The following DTWD2 variants were observed in gnomAD, a reference collection of about 807,000 sequenced individuals.
DTWD2 encodes tRNA-uridine aminocarboxypropyltransferase 2.
DTWD2 carries 39 observed loss-of-function variants against 31.8 expected under a neutral mutation model. The ratio of observed to expected loss-of-function variants is 1.22; its 90% CI spans 0.95 to 1.60. The LOEUF is 1.60. DTWD2 is among the 40% of genes most tolerant of loss of function. The pLI is 0.00. For synonymous variants in DTWD2, 180 were observed against 142.8 expected, an observed-to-expected ratio of 1.26 and a Z score of -1.86; for missense variants, 515 against 381.5, an observed-to-expected ratio of 1.35 and a Z score of -2.92.
At chr5:118,952,359 A>G (rs567810436) in intron 1 of DTWD2, among the ~76,000 whole-genome samples, 2 of 152,308 alleles carry the variant, frequency 1.3e-5, no homozygotes, top group East Asian at 3.9e-4. Context: ...ACCTGGGTGC[A>G]GGCAGGCTGA....
intron 4 of DTWD2, among the ~76,000 whole-genome samples, chr5:118,876,416 AC>A (rs750969881): frequency 1.3e-5 from 2 of 152,132 alleles, no homozygotes; most frequent in African/African-American, 4.8e-5. Context: ...GACATGAAAA[AC>A]CATTCAAAAG....
chr5:118,891,839 G>C (rs1752983029), intron 4 of DTWD2, among the ~76,000 whole-genome samples: 2 of 152,234 alleles, frequency 1.3e-5, no homozygotes, highest in African/African-American at 4.8e-5. Context: ...ACTGAATTAA[G>C]AACAAACTGC....
intron 5 of DTWD2, among the ~76,000 whole-genome samples, chr5:118,844,611 C>T (rs1751804602): frequency 6.6e-6 from 1 of 151,594 alleles, no homozygotes; most frequent in Admixed American, 6.5e-5. Context: ...AACACAAGTA[C>T]AAAAAATTAT....
At position 118,873,071 on chromosome 5, in the gene DTWD2, G is replaced by T. The variant is rs191909519; in HGVS notation, c.598-24853C>A. On this transcript the variant is annotated intron_variant, in intron 4 of 5. Coordinates refer to ENST00000510708, the MANE Select transcript of DTWD2 (RefSeq NM_173666.4). Reference sequence around the variant, plus strand: ...AGCAGGTGAGGTGAAAAGGCAAGGAGCAATCTGCTCTCACTATGGGCCTCT... The same window carrying T: ...AGCAGGTGAGGTGAAAAGGCAAGGATCAATCTGCTCTCACTATGGGCCTCT... 7.2e-5 allele frequency among the ~76,000 whole-genome samples: 11 copies of T among 152,322 alleles called. No individual in the cohort carries two copies. In the East Asian group the frequency reaches 2.1e-3, roughly 29 times the overall value.
intron 4 of DTWD2, among the ~76,000 whole-genome samples, chr5:118,879,262 A>G (rs1207018449): frequency 6.6e-6 from 1 of 152,176 alleles, no homozygotes; most frequent in Non-Finnish European, 1.5e-5. Flanking sequence ...GATAGACTGA[A>G]TAAGGAAAAT....
chr5:118,844,666 C>T (rs1489554233), intron 5 of DTWD2, among the ~76,000 whole-genome samples: 2 of 152,144 alleles, frequency 1.3e-5, no homozygotes, highest in African/African-American at 4.8e-5. Context: ...AGTTGTAATT[C>T]AAAACTACTT....
chr5:118,944,644 G>C lies in DTWD2; in HGVS notation c.224C>G (p.Pro75Arg). The change falls in exon 2 of 6, where the codon CCT (proline) becomes CGT (arginine). Residue 75 changes from proline (P) to arginine (R), a missense_variant. By Grantham distance (103) the Pro-to-Arg change is moderately radical. Coordinates refer to ENST00000510708, the MANE Select transcript of DTWD2 (RefSeq NM_173666.4). The part of the protein sequence containing the change: ...RRPECTRCSR[P>R]QKVCLCPFLP... ...AAATGGACACAAACACACTTTCTGAGGCCGGCTAAAGGGTAAAAAGAAAAA... is the reference window on the plus strand; with the variant it reads ...AAATGGACACAAACACACTTTCTGACGCCGGCTAAAGGGTAAAAAGAAAAA... 6.2e-7 allele frequency: 1 copy of C among 1,612,732 alleles called. No individual in the cohort carries two copies.
intron 4 of DTWD2, among the ~76,000 whole-genome samples, chr5:118,875,687 C>T (rs1436753471): frequency 6.6e-6 from 1 of 151,884 alleles, no homozygotes; most frequent in Non-Finnish European, 1.5e-5. Context: ...TGTATGTGCC[C>T]AACACAGGAG....
intron 5 of DTWD2, among the ~76,000 whole-genome samples, chr5:118,842,949 TC>T (rs1204404409): frequency 6.0e-4 from 86 of 142,878 alleles, no homozygotes; most frequent in African/African-American, 2.2e-3. Context: ...ACTTTCTTCT[TC>T]CTCTTTTTTT....
chr5:118,877,131 T>C (rs978879959), intron 4 of DTWD2, among the ~76,000 whole-genome samples: 3 of 152,164 alleles, frequency 2.0e-5, no homozygotes, highest in South Asian at 2.1e-4. Flanking sequence ...CTTATCTCAA[T>C]AGATGCAGAA....
At chr5:118,935,215 T>C (rs1269548207) in intron 3 of DTWD2, among the ~76,000 whole-genome samples, 1 of 152,240 alleles carries the variant, frequency 6.6e-6, no homozygotes, top group East Asian at 1.9e-4. Flanking sequence ...GCCCTTTCTC[T>C]GTACCTTGCA....
intron 4 of DTWD2, among the ~76,000 whole-genome samples, chr5:118,915,589 T>C (rs999438526): frequency 6.6e-6 from 1 of 152,128 alleles, no homozygotes; most frequent in African/African-American, 2.4e-5. Context: ...TTAGCCAGGA[T>C]GGTCTCGATC....
intron 4 of DTWD2, among the ~76,000 whole-genome samples, chr5:118,896,555 A>C (rs1394719608): frequency 6.6e-6 from 1 of 152,202 alleles, no homozygotes; most frequent in Non-Finnish European, 1.5e-5. Context: ...TAGATAACAT[A>C]AGCACAGAAT....
At chr5:118,856,764 C>CTTTTTTTTTTTTTTTTTTTTTTTTT (rs68175368) in intron 4 of DTWD2, among the ~76,000 whole-genome samples, 1 of 44,342 alleles carries the variant, frequency 2.3e-5, no homozygotes, top group Non-Finnish European at 4.0e-5. Flanking sequence ...TTGAGGCTTA[C>CTTTTTTTTTTTTTTTTTTTTTTTTT]TTTTTTTTTT....
intron 4 of DTWD2, among the ~76,000 whole-genome samples, chr5:118,886,360 A>G (rs909836972): frequency 2.0e-5 from 3 of 152,246 alleles, no homozygotes; most frequent in Non-Finnish European, 2.9e-5. Context: ...CTCAATGGAC[A>G]ACTATTAAAG....
intron 4 of DTWD2, among the ~76,000 whole-genome samples, chr5:118,859,191 C>A (rs1353513853): frequency 1.3e-5 from 2 of 149,768 alleles, no homozygotes; most frequent in Non-Finnish European, 3.0e-5. Flanking sequence ...CGGTATCTAG[C>A]TGGAATTCTT....
rs202119693 is a variant in DTWD2, at chr5:118,856,939, A to AT, written c.598-8722dup. Among the ~76,000 whole-genome samples the AT allele has an allele frequency of 4.8e-3, 719 of 150,108 alleles. 7 individuals carry two copies. Among genetic ancestry groups the AT allele is most frequent in the African/African-American group, 0.017 (692 of 41,010 alleles). ...AGGTACCTGCCACCACGCCCAATTA[A>AT]TTTTTTTTTGTATTTTTAGTAGAGA... On this transcript the variant is annotated intron_variant, in intron 4 of 5. Coordinates refer to ENST00000510708, the MANE Select transcript of DTWD2 (RefSeq NM_173666.4).
chr5:118,922,242 T>C (rs1002364971), intron 4 of DTWD2, among the ~76,000 whole-genome samples: 1 of 152,252 alleles, frequency 6.6e-6, no homozygotes, highest in South Asian at 2.1e-4. Flanking sequence ...AATTCTTTCA[T>C]TCCTCAATTA....
Position 118,960,570 on chromosome 5 carries a change from T to C in DTWD2, c.219-15921A>G, listed in dbSNP as rs973339511. Among the ~76,000 whole-genome samples the C allele has an allele frequency of 5.3e-5, 8 of 152,318 alleles. No homozygotes were observed. In the South Asian group the frequency reaches 1.5e-3, roughly 28 times the overall value. ...ATTAACATTCCATCCAGCAATCCCATTATTGGGTATATACCCAAAGGAATA... is the reference window on the plus strand; with the variant it reads ...ATTAACATTCCATCCAGCAATCCCACTATTGGGTATATACCCAAAGGAATA... On this transcript the variant is annotated intron_variant, in intron 1 of 5. Coordinates refer to ENST00000510708, the MANE Select transcript of DTWD2 (RefSeq NM_173666.4).
Sources: allele counts gnomAD v4.1 joint callset (sites outside exome capture counted in the v4.1 genomes callset), GRCh38; gene constraint gnomAD v4.1.1; transcripts MANE v1.5; gene names NCBI Gene and HGNC (gene_info 2026-07-23, HGNC 2026-07-21).